Variants in ERCC6 observed in about 807,000 individuals in gnomAD.
ERCC6 encodes DNA excision repair protein ERCC-6.
In ERCC6, 116 loss-of-function variants were observed where a neutral mutation model predicts 158.7. The ratio of observed to expected loss-of-function variants is 0.73; its 90% CI spans 0.63 to 0.85. The LOEUF (loss-of-function observed/expected upper bound fraction) is 0.85, where lower values mean the gene tolerates loss of function less well. Among genes scored for constraint, ERCC6 ranks in the 40% least tolerant of loss-of-function variants. The pLI, the probability that ERCC6 is intolerant of heterozygous loss-of-function variation, is 0.00. For missense variants in ERCC6, 1,698 were observed against 1,799.4 expected (o/e 0.94, Z 1.02); for synonymous variants, 678 against 659.3 (o/e 1.03, Z -0.43).
rs747201074 is a variant in ERCC6 at position 49,524,015 on chromosome 10, T to C, written c.1397+18A>G. ...TAAAGCAAACAGTACAATGTATTTA[T>C]AATCCCCACAGACCGACCTTAACCG... On this transcript the variant is annotated intron_variant, in intron 5 of 20. Transcript: ENST00000355832. The C allele has an allele frequency of 3.7e-6, 6 of 1,612,102 alleles. No individual in the cohort carries two copies. The highest frequency in any genetic ancestry group is 5.1e-6 in the Non-Finnish European group (6 of 1,179,922).
Position 49,493,205 on chromosome 10 carries a change from A to T in ERCC6, c.1733T>A (p.Met578Lys). 1 of 1,614,168 alleles carries T rather than the reference A, an allele frequency of 6.2e-7. No homozygotes were observed. The stretch of plus-strand genomic sequence containing the variant: ...GTGAAATTCCTTCACCCACTGATGC[A>T]TCACTGTTGTTGGACAGACAATTAC... Reference protein sequence around the residue: ...PTVIVCPTTVMHQWVKEFHTW... With the variant: ...PTVIVCPTTVKHQWVKEFHTW... Residue 578 changes from methionine (M) to lysine (K), a missense_variant, in exon 8 of 21, where the codon ATG becomes AAG. Transcript: ENST00000355832.
In ERCC6 at chr10:49,461,638, T is replaced by C. The variant is rs1002477174; in HGVS notation, c.3779-82A>G. 9.4e-6 allele frequency: 13 copies of C among 1,379,984 alleles called. No individual in the cohort carries two copies. In the African/African-American group the frequency reaches 1.6e-4, roughly 17 times the overall value. 85.5% of individuals were successfully genotyped at this position (1,379,984 alleles called of 1,614,324 possible). On this transcript the variant is annotated intron_variant, in intron 18 of 20. Transcript: ENST00000355832. ...TTTCTCCTCTGTATAAGTACAGTAC[T>C]GTAGTAGACAAAAACAAAGTGATAG...
At chr10:49,516,489 T>C (rs1265682776) in intron 5 of ERCC6, 6 of 1,614,100 alleles carry the variant, frequency 3.7e-6, no homozygotes, top group African/African-American at 2.7e-5. Flanking sequence ...CAGTACATTA[T>C]GCACATCTGT....
At chr10:49,500,064 A>G (rs950452333) in intron 7 of ERCC6, among the ~76,000 whole-genome samples, 1 of 152,204 alleles carries the variant, frequency 6.6e-6, no homozygotes, top group Non-Finnish European at 1.5e-5. Flanking sequence ...GGCTTCTTCA[A>G]AGCTCCAACT....
rs751986947 is a variant in ERCC6, at chr10:49,470,165, C to T, written c.3778+17G>A. On this transcript the variant is annotated intron_variant, in intron 18 of 20. Transcript: ENST00000355832. ...CTAATCCTAGCATCCCTGTGGCAAA[C>T]GTATCAAATGGATTACCTGATTTTT... 8.1e-6 allele frequency: 13 copies of T among 1,610,766 alleles called. No individual in the cohort carries two copies. Among genetic ancestry groups the T allele is most frequent in the Middle Eastern group, 1.7e-4 (1 of 6,056 alleles).
rs1851339301 is a variant in ERCC6 at position 49,500,566 on chromosome 10, T to A, written c.1657A>T (p.Lys553Ter). 15 of 1,613,838 alleles carry A rather than the reference T, an allele frequency of 9.3e-6. No individual in the cohort carries two copies. The highest frequency in any genetic ancestry group is 1.3e-5 in the African/African-American group (1 of 74,908). Residue 553 changes from lysine (K) to a stop codon, truncating the protein, a stop_gained, in exon 7 of 21, where the codon AAG (lysine) becomes TAG (stop). Transcript: ENST00000355832. LOFTEE classifies it high-confidence loss of function. ...TAATTTGAACCACGAGTCCTGATCT[T>A]GCTGTAGCTCAGACCTGCCAAGAAG... ...IAFLAGLSYSKIRTRGSNYRF... is the reference protein window; with the variant it reads ...IAFLAGLSYS
chr10:49,449,882 C>A (rs528028924), downstream of ERCC6, among the ~76,000 whole-genome samples: 31 of 148,858 alleles, frequency 2.1e-4, no homozygotes, highest in African/African-American at 5.9e-4. Context: ...TTTCTTTTTT[C>A]TTTTTTTTGA....
rs1414445787 is a variant in ERCC6, at chr10:49,460,414, C to A, written c.4021G>T (p.Val1341Leu). ...GGAGATGTTGATGAAGGATGCTGCA[C>A]AGAGAAGTTAGAATTCCTTTTCTTA... ...FGKKRNSNFSVQHPSSTSPTE... is the reference protein window; with the variant it reads ...FGKKRNSNFSLQHPSSTSPTE... Residue 1341 changes from valine (V) to leucine (L), a missense_variant, in exon 20 of 21, where the codon GTG (valine) becomes TTG (leucine). Val to Leu is a conservative substitution (Grantham distance 32). Coordinates refer to ENST00000355832, the MANE Select transcript of ERCC6 (RefSeq NM_000124.4). 1.2e-6 allele frequency: 2 copies of A among 1,613,690 alleles called. No homozygotes were observed. The highest frequency in any genetic ancestry group is 1.3e-5 in the African/African-American group (1 of 74,910).
In ERCC6 at chr10:49,472,473, G is replaced by C. The variant is rs770629263; in HGVS notation, c.2830-3C>G. ...ATTCTCCATGCTCGCTCCCGGGCCTGCAACAGAGAGAGAGAGACCTCTCAA... is the reference window on the plus strand; with the variant it reads ...ATTCTCCATGCTCGCTCCCGGGCCTCCAACAGAGAGAGAGAGACCTCTCAA... On this transcript the variant is annotated splice_region_variant and splice_polypyrimidine_tract_variant and intron_variant, in intron 15 of 20. Transcript: ENST00000355832. 7 of 1,613,600 alleles carry C rather than the reference G, an allele frequency of 4.3e-6. No individual in the cohort carries two copies. The highest frequency in any genetic ancestry group is 8.5e-7 in the Non-Finnish European group (1 of 1,179,836).
At chr10:49,500,720 A>G (rs1188210798) in intron 6 of ERCC6, 24 bp from the exon 7 acceptor site, 1 of 1,612,528 alleles carries the variant, frequency 6.2e-7, no homozygotes, top group Admixed American at 1.7e-5. Context: ...CACCAACAAG[A>G]AAAGAGAAAA....
intron 18 of ERCC6, among the ~76,000 whole-genome samples, chr10:49,468,120 C>A (rs928390329): frequency 1.3e-5 from 2 of 152,132 alleles, no homozygotes; most frequent in African/African-American, 2.4e-5. Flanking sequence ...TCCTCTAATT[C>A]GAAAAGTTAA....
intron 16 of ERCC6, among the ~76,000 whole-genome samples, chr10:49,471,649 T>C (rs1850783388): frequency 6.6e-6 from 1 of 152,178 alleles, no homozygotes; most frequent in African/African-American, 2.4e-5. Context: ...TGTCATTTAT[T>C]CTCCCAGCTA....
rs77066892 is a variant in ERCC6 at position 49,521,518 on chromosome 10, G to A, written c.1397+2515C>T. On this transcript the variant is annotated intron_variant, in intron 5 of 20. Transcript: ENST00000355832. ...CAACAGCCATAAGCAAATGGAAACC[G>A]TGGTAGCACAAAGTAAAATGAAAAA... Among the ~76,000 whole-genome samples, 1,123 of 152,360 alleles carry A rather than the reference G, an allele frequency of 7.4e-3. 12 individuals carry two copies. The highest frequency in any genetic ancestry group is 0.012 in the Non-Finnish European group (847 of 68,030).
intron 18 of ERCC6, among the ~76,000 whole-genome samples, chr10:49,466,985 T>A (rs1490707023): frequency 6.6e-6 from 1 of 152,180 alleles, no homozygotes; most frequent in African/African-American, 2.4e-5. Context: ...TTCACCATGT[T>A]GTCCAGGTTG....
Position 49,460,671 on chromosome 10 carries a change from AAC to A in ERCC6, c.3984-222_3984-221del, listed in dbSNP as rs575392357. Among the ~76,000 whole-genome samples, 82 of 152,260 alleles carry A rather than the reference AAC, an allele frequency of 5.4e-4. 1 individual carries two copies. The highest frequency in any genetic ancestry group is 3.8e-4 in the Non-Finnish European group (26 of 68,006). Reference sequence around the variant, plus strand: ...CGCAGTGGCTCATGCCTGTAATCCCAACACTTTGGGAGGCTGAGGCAGGCAGA... The same window carrying A: ...CGCAGTGGCTCATGCCTGTAATCCCAACTTTGGGAGGCTGAGGCAGGCAGA... On this transcript the variant is annotated intron_variant, in intron 19 of 20. Transcript: ENST00000355832.
intron 10 of ERCC6, among the ~76,000 whole-genome samples, chr10:49,480,114 G>GCCCCAGCTGAGCACACCAA (rs1200845884): frequency 6.6e-6 from 1 of 152,144 alleles, no homozygotes; most frequent in Non-Finnish European, 1.5e-5. Context: ...CACATGCCCT[G>GCCCCAGCTGAGCACACCAA]CCCCAGCTGA....
the ERCC6 span, among the ~76,000 whole-genome samples, chr10:49,435,075 C>G: frequency 6.6e-6 from 1 of 152,042 alleles, no homozygotes; most frequent in East Asian, 1.9e-4. Flanking sequence ...AGACAAAAAG[C>G]ATTATTAGGG....
intron 6 of ERCC6, chr10:49,505,409 T>C (rs985324787): frequency 1.3e-5 from 2 of 153,250 alleles, no homozygotes; most frequent in Non-Finnish European, 2.9e-5. Flanking sequence ...GCACATTTGG[T>C]CAGCTCAAAA....
chr10:49,539,225 A>G (rs1444995632), upstream of ERCC6, among the ~76,000 whole-genome samples: 3 of 152,256 alleles, frequency 2.0e-5, no homozygotes, highest in East Asian at 5.8e-4. Flanking sequence ...GCAGGGCGAG[A>G]AAGCTGTCTC....
Sources: allele counts gnomAD v4.1 joint callset (sites outside exome capture counted in the v4.1 genomes callset), GRCh38; gene constraint gnomAD v4.1.1; transcripts MANE v1.5; gene names NCBI Gene and HGNC (gene_info 2026-07-23, HGNC 2026-07-21).